Variants in SRBD1 observed in about 807,000 individuals in gnomAD.
SRBD1 encodes S1 RNA-binding domain-containing protein 1.
A neutral mutation model predicts 115.3 loss-of-function variants in SRBD1; 88 were observed. The observed-to-expected ratio is 0.76, with a 90% CI of 0.64 to 0.91. SRBD1 has a LOEUF of 0.91. SRBD1 is among the 40% of genes least tolerant of loss of function. SRBD1 has a pLI of 0.00. For missense variants in SRBD1, 1,385 were observed against 1,177.4 expected (o/e 1.18, Z -2.58); for synonymous variants, 509 against 407.7 (o/e 1.25, Z -2.99).
intron 16 of SRBD1, among the ~76,000 whole-genome samples, chr2:45,461,483 T>A (rs1436488446): frequency 6.6e-6 from 1 of 152,190 alleles, no homozygotes; most frequent in Non-Finnish European, 1.5e-5. Flanking sequence ...TTCTTGGTCT[T>A]TCAATGGCTG....
chr2:45,573,245 G>A lies in SRBD1; in HGVS notation c.1267C>T (p.His423Tyr), dbSNP rs753480105. The change falls in exon 9 of 21, where the codon CAT (histidine) becomes TAT (tyrosine). Residue 423 changes from histidine to tyrosine, a missense_variant. His to Tyr is a moderately conservative substitution (Grantham distance 83, BLOSUM62 2). Coordinates refer to ENST00000263736, the MANE Select transcript of SRBD1 (RefSeq NM_018079.5). ...KDVDKFLLYQHFSCNIRNIHH... is the reference protein window; with the variant it reads ...KDVDKFLLYQYFSCNIRNIHH... ...ATGTTTCTTATGTTGCAGGAAAAAT[G>A]CTGGTAGAGCAGAAACTTATCAACA... The A allele has an allele frequency of 1.9e-6, 3 of 1,610,716 alleles. No homozygotes were observed.
At chr2:45,586,014 G>A (rs1319700137) in intron 4 of SRBD1, among the ~76,000 whole-genome samples, 1 of 152,112 alleles carries the variant, frequency 6.6e-6, no homozygotes, top group Non-Finnish European at 1.5e-5. Context: ...TCAAATTCCA[G>A]TGTTCAATGA....
rs1672158435 is a variant in SRBD1 at position 45,547,523 on chromosome 2, T to C, written c.1765A>G (p.Asn589Asp). 6.2e-7 allele frequency: 1 copy of C among 1,613,238 alleles called. No individual in the cohort carries two copies. Among genetic ancestry groups the C allele is most frequent in the Admixed American group, 1.7e-5 (1 of 59,972 alleles). The change falls in exon 13 of 21, where the codon AAC becomes GAC. Residue 589 changes from asparagine (N) to aspartate (D), a missense_variant and splice_region_variant. Physicochemically the swap from Asn to Asp is conservative, Grantham distance 23. Transcript: ENST00000263736. ...TCAAAAGATTACTTATTTTCATACT[T>C]GAAATTCAGCAAAAGTGTCTTTATT... ...EKIKTLLLNF[N>D]CSTVVIGNGT...
chr2:45,396,937 A>G (rs894628428), intron 19 of SRBD1, among the ~76,000 whole-genome samples: 6 of 152,198 alleles, frequency 3.9e-5, no homozygotes, highest in African/African-American at 1.4e-4. Context: ...TGGGCAAAAC[A>G]TATGATTTAC....
intron 4 of SRBD1, among the ~76,000 whole-genome samples, chr2:45,598,467 A>G (rs895581316): frequency 6.6e-6 from 1 of 151,868 alleles, no homozygotes; most frequent in African/African-American, 2.4e-5. Context: ...ACGAAAAATT[A>G]GCCGGGCGTG....
At chr2:45,548,809 C>A (rs544135272) in intron 12 of SRBD1, among the ~76,000 whole-genome samples, 2 of 151,478 alleles carry the variant, frequency 1.3e-5, no homozygotes, top group African/African-American at 4.9e-5. Flanking sequence ...CAAAAAGTCA[C>A]GACTATATCT....
intron 2 of SRBD1, among the ~76,000 whole-genome samples, chr2:45,602,743 G>A (rs919721429): frequency 6.6e-6 from 1 of 152,270 alleles, no homozygotes; most frequent in South Asian, 2.1e-4. Flanking sequence ...GGACCATCAT[G>A]CTCCTGCCAA....
At chr2:45,482,197 G>A (rs1163973572) in intron 15 of SRBD1, among the ~76,000 whole-genome samples, 1 of 152,072 alleles carries the variant, frequency 6.6e-6, no homozygotes, top group Non-Finnish European at 1.5e-5. Context: ...CACATATAAT[G>A]AATGACAACA....
At chr2:45,462,302 T>C (rs1669340806) in intron 16 of SRBD1, among the ~76,000 whole-genome samples, 1 of 152,184 alleles carries the variant, frequency 6.6e-6, no homozygotes, top group Non-Finnish European at 1.5e-5. Flanking sequence ...GCCCAGAGGT[T>C]ATGGCTGTTA....
At chr2:45,543,620 A>C (rs1394993309) in intron 14 of SRBD1, among the ~76,000 whole-genome samples, 1 of 150,746 alleles carries the variant, frequency 6.6e-6, no homozygotes, top group Admixed American at 6.7e-5. Context: ...AAGATGAGAA[A>C]ACATGGTTTT....
intron 14 of SRBD1, among the ~76,000 whole-genome samples, chr2:45,502,282 T>C (rs1047831579): frequency 6.6e-6 from 1 of 152,126 alleles, no homozygotes; most frequent in Non-Finnish European, 1.5e-5. Flanking sequence ...TCCTCAAGGA[T>C]CTAGAAGTAG....
intron 14 of SRBD1, among the ~76,000 whole-genome samples, chr2:45,505,243 G>A (rs760171194): frequency 6.6e-6 from 1 of 152,174 alleles, no homozygotes; most frequent in Non-Finnish European, 1.5e-5. Flanking sequence ...CAAATGGCAG[G>A]TGTCAGAATG....
intron 2 of SRBD1, among the ~76,000 whole-genome samples, chr2:45,604,513 T>C (rs557855107): frequency 6.6e-6 from 1 of 152,208 alleles, no homozygotes; most frequent in East Asian, 1.9e-4. Flanking sequence ...ATCCTACTCA[T>C]TACAATCTCA....
Position 45,601,992 on chromosome 2 carries a change from C to A in SRBD1, c.172G>T (p.Glu58Ter). 6.2e-7 allele frequency: 1 copy of A among 1,614,188 alleles called. No homozygotes were observed. ...CGAGGCATCCTCTTTGGTTTGGATT[C>A]CTTGGGAGGGGGCTGTTTACGGCTT... ...PRSRKQPPPK[E>*]SKPKRMPRVK... The change falls in exon 3 of 21, where the codon GAA (glutamate) becomes TAA (stop). Residue 58 changes from glutamate to a stop codon, truncating the protein, a stop_gained. Transcript: ENST00000263736. LOFTEE classifies it high-confidence loss of function.
chr2:45,541,574 G>A (rs992450910), intron 14 of SRBD1, among the ~76,000 whole-genome samples: 2 of 152,242 alleles, frequency 1.3e-5, no homozygotes, highest in Non-Finnish European at 2.9e-5. Context: ...CCCAAAGCGG[G>A]CAGCTCCTTT....
chr2:45,416,693 A>G (rs1667842339), intron 18 of SRBD1, among the ~76,000 whole-genome samples: 1 of 152,228 alleles, frequency 6.6e-6, no homozygotes, highest in Non-Finnish European at 1.5e-5. Flanking sequence ...GAAGCAACAT[A>G]TAAGAAACTT....
At chr2:45,472,347 C>T (rs983338708) in intron 16 of SRBD1, among the ~76,000 whole-genome samples, 3 of 152,132 alleles carry the variant, frequency 2.0e-5, no homozygotes, top group African/African-American at 4.8e-5. Context: ...CTAATGAATG[C>T]GTTTCTTTTT....
At chr2:45,389,744 C>G (rs746956802) in intron 20 of SRBD1, 145 bp from the exon 21 acceptor site, 1 of 786,412 alleles carries the variant, frequency 1.3e-6, no homozygotes, top group Admixed American at 2.9e-5. Flanking sequence ...TGCAGACCAA[C>G]GCTTGCCTTC....
intron 12 of SRBD1, among the ~76,000 whole-genome samples, chr2:45,550,696 C>T (rs960253522): frequency 5.9e-5 from 9 of 151,316 alleles, no homozygotes; most frequent in African/African-American, 1.9e-4. Flanking sequence ...AATGGAAGCA[C>T]GGAAATGCAA....
Sources: allele counts gnomAD v4.1 joint callset (sites outside exome capture counted in the v4.1 genomes callset), GRCh38; gene constraint gnomAD v4.1.1; transcripts MANE v1.5; gene names NCBI Gene and HGNC (gene_info 2026-07-23, HGNC 2026-07-21).